The following ZNF528 variants were observed in gnomAD, a reference collection of about 807,000 sequenced individuals.
ZNF528 encodes zinc finger protein 528.
ZNF528 carries 9 observed loss-of-function variants against 13.3 expected under a neutral mutation model. The ratio of observed to expected loss-of-function variants is 0.67; its 90% CI spans 0.41 to 1.18. ZNF528 has a LOEUF of 1.18. Among genes scored for constraint, ZNF528 ranks in the 50% most tolerant of loss-of-function variants. The probability of loss-of-function intolerance (pLI) is 0.01; values close to 1 mark genes in which losing one functional copy is unlikely to be tolerated. For synonymous variants in ZNF528, 264 were observed against 254.3 expected, an observed-to-expected ratio of 1.04 and a Z score of -0.36; for missense variants, 858 against 745.4, an observed-to-expected ratio of 1.15 and a Z score of -1.76.
intron 6 of ZNF528, among the ~76,000 whole-genome samples, chr19:52,409,112 C>T (rs1481993555): frequency 6.6e-6 from 1 of 152,060 alleles, no homozygotes; most frequent in Non-Finnish European, 1.5e-5. Context: ...CACCTCACTG[C>T]TTTCTAGCCT....
chr19:52,406,618 G>T lies in ZNF528; in HGVS notation c.246G>T (p.Arg82Ser), dbSNP rs983882093. The change falls in exon 6 of 7, where the codon AGG (arginine) becomes AGT (serine). Residue 82 changes from arginine to serine, a missense_variant. Transcript: ENST00000360465. ...AAATAGCAAACGATCCAGACGGCAG[G>T]GAGTGCATCAAAGGTGTGAACACAG... ...EEKIANDPDG[R>S]ECIKGVNTER... 1.9e-6 allele frequency: 3 copies of T among 1,613,868 alleles called. No homozygotes were observed. The highest frequency in any genetic ancestry group is 3.3e-5 in the Admixed American group (2 of 59,986).
At chr19:52,400,689 G>T (rs115135734) in intron 2 of ZNF528, among the ~76,000 whole-genome samples, 1,956 of 151,034 alleles carry the variant, frequency 0.013, 38 homozygotes, top group African/African-American at 0.046. Flanking sequence ...GTGGCTGATT[G>T]AAAAAAAAAT....
chr19:52,409,302 CTT>C (rs201367844), intron 6 of ZNF528, among the ~76,000 whole-genome samples: 19 of 140,462 alleles, frequency 1.4e-4, no homozygotes, highest in African/African-American at 1.3e-4. Flanking sequence ...GATCAAATCT[CTT>C]TTTTTTTTTT....
chr19:52,406,558 A>C lies in ZNF528; in HGVS notation c.186A>C (p.Gln62His), dbSNP rs376566140. The C allele has an allele frequency of 1.1e-5, 18 of 1,614,014 alleles. No individual in the cohort carries two copies. The highest frequency in any genetic ancestry group is 1.5e-5 in the Non-Finnish European group (18 of 1,180,026). Residue 62 changes from glutamine (Q) to histidine (H), a missense_variant, in exon 6 of 7, where the codon CAA (glutamine) becomes CAC (histidine). Gln to His is a conservative substitution (Grantham distance 24). Coordinates refer to ENST00000360465, the MANE Select transcript of ZNF528 (RefSeq NM_032423.3). ...PDLSVTSMLEQKRDPWTLQSE... is the reference protein window; with the variant it reads ...PDLSVTSMLEHKRDPWTLQSE... The stretch of plus-strand genomic sequence containing the variant: ...TGAGTGTTACCTCCATGTTAGAGCA[A>C]AAGAGAGATCCCTGGACTCTGCAGA...
In ZNF528 at chr19:52,411,982, G is replaced by GTGGAGGT. The variant is rs1568428274; in HGVS notation, c.272-3140_272-3134dup. 3 of 152,330 alleles carry GTGGAGGT rather than the reference G, an allele frequency of 2.0e-5. No homozygotes were observed. In the East Asian group the frequency reaches 5.8e-4, roughly 29 times the overall value. 9.4% of individuals were successfully genotyped at this position (152,330 alleles called of 1,614,324 possible). On this transcript the variant is annotated intron_variant, in intron 6 of 6. Transcript: ENST00000360465. ...AGCTGCTCCTACTCCCACTAGGGGT[G>GTGGAGGT]TGGAGGTTAGTCTGAGAGTCGATGC...
chr19:52,402,349 C>A, intron 4 of ZNF528: 2 of 455,402 alleles, frequency 4.4e-6, no homozygotes, highest in South Asian at 7.0e-5. Flanking sequence ...GATGCACTGT[C>A]AGTGTTCTGT....
intron 6 of ZNF528, chr19:52,412,077 T>C (rs1263441553): frequency 6.6e-6 from 1 of 152,230 alleles, no homozygotes; most frequent in Non-Finnish European, 1.5e-5. Flanking sequence ...AAAATTTCTT[T>C]CCTTTAATTA....
At chr19:52,404,165 A>G (rs1174995024) in intron 4 of ZNF528, among the ~76,000 whole-genome samples, 1 of 152,192 alleles carries the variant, frequency 6.6e-6, no homozygotes, top group Non-Finnish European at 1.5e-5. Flanking sequence ...ACCTGGGGCG[A>G]GTTTCCTAGA....
Position 52,415,660 on chromosome 19 carries a change from A to G in ZNF528, c.808A>G (p.Lys270Glu), listed in dbSNP as rs191923152. 1.8e-5 allele frequency: 29 copies of G among 1,614,208 alleles called. No individual in the cohort carries two copies. The Admixed American group carries it at 4.7e-4, about 26-fold the overall frequency. Residue 270 changes from lysine (K) to glutamate (E), a missense_variant, in exon 7 of 7, where the codon AAA (lysine) becomes GAA (glutamate). Lys to Glu is a moderately conservative substitution (Grantham distance 56). Transcript: ENST00000360465. ...AATTCATACTGGAGAGAAGCCTTAC[A>G]AATGTCATGAATGTGACAAGGTCTT... ...QRIHTGEKPY[K>E]CHECDKVFRS...
intron 5 of ZNF528, 114 bp from the exon 6 acceptor site, chr19:52,406,401 G>C: frequency 6.9e-7 from 1 of 1,441,448 alleles, no homozygotes; most frequent in Non-Finnish European, 9.2e-7. Context: ...GTCAGTAGAT[G>C]AATTTGTGAA....
At chr19:52,405,178 T>C (rs573751220) in intron 4 of ZNF528, among the ~76,000 whole-genome samples, 1 of 149,664 alleles carries the variant, frequency 6.7e-6, no homozygotes, top group South Asian at 2.1e-4. Context: ...TATCACACCA[T>C]TGCACTCCAG....
chr19:52,415,053 T>C, intron 6 of ZNF528, 71 bp from the exon 7 acceptor site: 1 of 1,604,704 alleles, frequency 6.2e-7, no homozygotes, highest in Non-Finnish European at 8.5e-7. Context: ...AGGCAGAATC[T>C]AGACCCTCTG....
intron 4 of ZNF528, among the ~76,000 whole-genome samples, chr19:52,403,870 T>G (rs901997566): frequency 5.3e-5 from 8 of 152,062 alleles, no homozygotes; most frequent in African/African-American, 1.9e-4. Context: ...TCTTAAATAT[T>G]TACCAGGTTA....
At chr19:52,408,608 C>T (rs1463575563) in intron 6 of ZNF528, 1 of 152,026 alleles carries the variant, frequency 6.6e-6, no homozygotes. Context: ...GAGTTTTGCT[C>T]TGTTGCCCAG....
chr19:52,409,926 G>T (rs1327856830), intron 6 of ZNF528, among the ~76,000 whole-genome samples: 1 of 152,104 alleles, frequency 6.6e-6, no homozygotes, highest in Admixed American at 6.6e-5. Flanking sequence ...TGTTGGTCAG[G>T]CTGGTCTCGA....
chr19:52,413,188 A>T (rs1289241016), intron 6 of ZNF528: 1 of 152,198 alleles, frequency 6.6e-6, no homozygotes, highest in African/African-American at 2.4e-5. Flanking sequence ...AACGCTGCTG[A>T]TAAGCAGCAG....
intron 2 of ZNF528, among the ~76,000 whole-genome samples, chr19:52,399,548 G>A (rs1334495879): frequency 6.6e-6 from 1 of 152,188 alleles, no homozygotes; most frequent in Admixed American, 6.5e-5. Context: ...GGCAGAGGTT[G>A]CAGTGAGCCG....
intron 2 of ZNF528, among the ~76,000 whole-genome samples, 199 bp downstream of exon 2, chr19:52,398,818 C>T (rs2058758501): frequency 6.6e-6 from 1 of 152,058 alleles, no homozygotes; most frequent in Admixed American, 6.5e-5. Flanking sequence ...GGTGCTGGGA[C>T]AGCCAGAGGG....
Position 52,415,651 on chromosome 19 carries a change from A to G in ZNF528, c.799A>G (p.Lys267Glu). ...ACATCAAAGAATTCATACTGGAGAG[A>G]AGCCTTACAAATGTCATGAATGTGA... ...SQHQRIHTGE[K>E]PYKCHECDKV... Residue 267 changes from lysine to glutamate, a missense_variant, in exon 7 of 7, where the codon AAG becomes GAG. Coordinates refer to ENST00000360465, the MANE Select transcript of ZNF528 (RefSeq NM_032423.3). 20 of 1,614,204 alleles carry G rather than the reference A, an allele frequency of 1.2e-5. No individual in the cohort carries two copies. Among genetic ancestry groups the G allele is most frequent in the Non-Finnish European group, 1.6e-5 (19 of 1,180,034 alleles).
Sources: gnomAD v4.1 joint callset for allele counts (sites outside exome capture counted in the v4.1 genomes callset) on GRCh38, gnomAD v4.1.1 for gene constraint, MANE v1.5 for transcripts, NCBI Gene and HGNC (gene_info 2026-07-23, HGNC 2026-07-21) for gene names.